XPO4: variants seen among roughly 807,000 people sequenced by gnomAD.
XPO4 encodes exportin 4.
In XPO4, 39 loss-of-function variants were observed where a neutral mutation model predicts 143.0. The observed-to-expected ratio is 0.27, with a 90% CI of 0.21 to 0.36. The LOEUF is 0.36. Among genes scored for constraint, XPO4 ranks in the 10% least tolerant of loss-of-function variants. The probability of loss-of-function intolerance (pLI) is 1.00; values close to 1 mark genes in which losing one functional copy is unlikely to be tolerated. For synonymous variants in XPO4, 439 were observed against 474.0 expected (o/e 0.93, Z 0.96); for missense variants, 907 against 1,348.0 (o/e 0.67, Z 5.12).
At chr13:20,883,682 A>G (rs2060434544) in intron 1 of XPO4, among the ~76,000 whole-genome samples, 1 of 152,260 alleles carries the variant, frequency 6.6e-6, no homozygotes, top group Non-Finnish European at 1.5e-5. Flanking sequence ...CCCTAAAAAA[A>G]TTCTAAAGAA....
intron 1 of XPO4, among the ~76,000 whole-genome samples, chr13:20,872,752 T>C (rs1175404964): frequency 6.6e-6 from 1 of 152,130 alleles, no homozygotes; most frequent in East Asian, 1.9e-4. Context: ...TAAACCCAGG[T>C]AGTATGACTC....
chr13:20,848,745 T>C, intron 4 of XPO4: 1 of 985,432 alleles, frequency 1.0e-6, no homozygotes. Flanking sequence ...CCCAGCACTA[T>C]GTTAACATAA....
intron 4 of XPO4, chr13:20,853,061 G>A: frequency 1.0e-6 from 1 of 985,124 alleles, no homozygotes; most frequent in Non-Finnish European, 1.2e-6. Flanking sequence ...GCCAGCCGTG[G>A]TGGCTCACAT....
chr13:20,782,462 A>G lies in XPO4; in HGVS notation c.*1260T>C, dbSNP rs184724200. The G allele has an allele frequency of 1.4e-4, 22 of 152,734 alleles. No individual in the cohort carries two copies. Among genetic ancestry groups the G allele is most frequent in the African/African-American group, 4.8e-4 (20 of 41,566 alleles). The allele number at this position is 152,734 out of a possible 1,614,324, so 9.5% of individuals were successfully genotyped here. ...CCTGATTAAGAGATCAAACTAGAGG[A>G]TCTAAAGTGAATTTTTAATCTCTGA... On this transcript the variant is annotated 3_prime_UTR_variant, in exon 23 of 23. Transcript: ENST00000255305.
chr13:20,880,995 T>C (rs1161936828), intron 1 of XPO4, among the ~76,000 whole-genome samples: 1 of 150,648 alleles, frequency 6.6e-6, no homozygotes, highest in African/African-American at 2.4e-5. Flanking sequence ...CTAAGATATA[T>C]TACAACAAGG....
chr13:20,839,106 A>G (rs2059947588), intron 6 of XPO4, among the ~76,000 whole-genome samples: 1 of 152,054 alleles, frequency 6.6e-6, no homozygotes, highest in South Asian at 2.1e-4. Context: ...TCTACTAAAA[A>G]ATACAAAACT....
intron 20 of XPO4, 104 bp from the exon 21 acceptor site, chr13:20,787,702 A>T (rs1177477642): frequency 2.3e-6 from 2 of 854,220 alleles, no homozygotes; most frequent in Admixed American, 4.2e-5. Context: ...CTAGAAATGA[A>T]TACAGATACA....
chr13:20,869,983 C>G (rs116168912), intron 1 of XPO4, among the ~76,000 whole-genome samples: 2,707 of 150,606 alleles, frequency 0.018, 84 homozygotes, highest in African/African-American at 0.063. Context: ...GTGCACACCT[C>G]CCAGCTACTC....
At position 20,779,509 on chromosome 13, in the gene XPO4, A is replaced by G. The variant is rs372239560; in HGVS notation, c.*4213T>C. The G allele has an allele frequency of 3.3e-5, 5 of 152,676 alleles. No individual in the cohort carries two copies. The highest frequency in any genetic ancestry group is 1.9e-4 in the East Asian group (1 of 5,182). 9.5% of individuals were successfully genotyped at this position (152,676 alleles called of 1,614,324 possible). The stretch of plus-strand genomic sequence containing the variant: ...AACCAAAAAAAAAGACACCTCTCCA[A>G]TTGCTGGGAGGGCCTGGGAATAGGT... On this transcript the variant is annotated 3_prime_UTR_variant, in exon 23 of 23. Coordinates refer to ENST00000255305, the MANE Select transcript of XPO4 (RefSeq NM_022459.5).
At chr13:20,791,507 A>G (rs2059279604) in intron 18 of XPO4, among the ~76,000 whole-genome samples, 1 of 152,266 alleles carries the variant, frequency 6.6e-6, no homozygotes, top group Non-Finnish European at 1.5e-5. Context: ...CAAAATGTGG[A>G]ATGCCACATA....
In XPO4 at chr13:20,808,470, G is replaced by A; in HGVS notation, c.1605C>T (p.Leu535=). 6.4e-7 allele frequency: 1 copy of A among 1,569,418 alleles called. No homozygotes were observed. Among genetic ancestry groups the A allele is most frequent in the Non-Finnish European group, 8.7e-7 (1 of 1,147,142 alleles). The change falls in exon 12 of 23, where the codon CTC becomes CTT. Residue 535 remains leucine, a synonymous_variant. Coordinates refer to ENST00000255305, the MANE Select transcript of XPO4 (RefSeq NM_022459.5). ...STVDNKMLDD[L]YEDIHWLILV... is the part of the protein sequence containing the mutation. ...AAATAAGCCAGTGAATATCTTCATA[G>A]AGATCATCAAGCATTTTGTTGTCAA... is the stretch of plus-strand genomic sequence containing the variant.
intron 1 of XPO4, among the ~76,000 whole-genome samples, chr13:20,885,669 T>C (rs957702242): frequency 6.6e-6 from 1 of 152,202 alleles, no homozygotes; most frequent in Non-Finnish European, 1.5e-5. Flanking sequence ...CCTCATGCAA[T>C]GGCTCATGCC....
intron 7 of XPO4, among the ~76,000 whole-genome samples, chr13:20,822,682 G>A (rs942690075): frequency 4.6e-5 from 7 of 152,188 alleles, no homozygotes. Flanking sequence ...TCAATAAAGA[G>A]TATATAGATG....
chr13:20,843,911 T>C lies in XPO4; in HGVS notation c.457-25A>G, dbSNP rs17059220. On this transcript the variant is annotated intron_variant, in intron 4 of 22. Coordinates refer to ENST00000255305, the MANE Select transcript of XPO4 (RefSeq NM_022459.5). ...GCTGTAATTATTTGATAAGAAATAA[T>C]TGTGAGGCATTACTGTTTCAACGCT... The C allele has an allele frequency of 1.8e-3, 2,745 of 1,530,026 alleles. 36 individuals carry two copies. The African/African-American group carries it at 0.034, about 19-fold the overall frequency. 94.8% of individuals were successfully genotyped at this position (1,530,026 alleles called of 1,614,324 possible).
intron 1 of XPO4, among the ~76,000 whole-genome samples, chr13:20,897,595 A>G (rs893754670): frequency 2.0e-5 from 3 of 152,158 alleles, no homozygotes; most frequent in Non-Finnish European, 2.9e-5. Context: ...TCTCCTCAGC[A>G]TACACAGCAT....
intron 1 of XPO4, among the ~76,000 whole-genome samples, chr13:20,886,405 A>G (rs894284733): frequency 2.0e-5 from 3 of 152,026 alleles, no homozygotes; most frequent in Non-Finnish European, 2.9e-5. Flanking sequence ...TGAGGTTGAG[A>G]GTTCAAGACC....
chr13:20,813,028 G>T (rs906431660), intron 9 of XPO4, among the ~76,000 whole-genome samples: 4 of 152,160 alleles, frequency 2.6e-5, no homozygotes, highest in Non-Finnish European at 5.9e-5. Flanking sequence ...CAGGAAGGAT[G>T]ACTGGGAGGC....
At position 20,807,462 on chromosome 13, in the gene XPO4, C is replaced by T. The variant is rs2059522548; in HGVS notation, c.1812G>A (p.Val604=). ...SIPGYNRTDS[V]IRLLSAILRV... The stretch of plus-strand genomic sequence containing the variant: ...AGCTATAGAGTTTATATTACCTAAT[C>T]ACAGAATCTGTTCTGTTGTACCCTG... The change falls in exon 13 of 23, where the codon GTG becomes GTA. Residue 604 remains valine (V), a synonymous_variant. Transcript: ENST00000255305. 1 of 1,610,348 alleles carries T rather than the reference C, an allele frequency of 6.2e-7. No homozygotes were observed. The highest frequency in any genetic ancestry group is 1.7e-5 in the Admixed American group (1 of 59,230).
chr13:20,799,149 TAGAC>T lies in XPO4; in HGVS notation c.2322+12_2322+15del. 1.9e-6 allele frequency: 3 copies of T among 1,551,916 alleles called. No homozygotes were observed. The highest frequency in any genetic ancestry group is 1.8e-6 in the Non-Finnish European group (2 of 1,141,908). ...GTTACACAAAAGGGTGCAATCAAAATAGACAGCACTGTTACCTCTGTCCAATACT... is the reference window on the plus strand; with the variant it reads ...GTTACACAAAAGGGTGCAATCAAAATAGCACTGTTACCTCTGTCCAATACT... On this transcript the variant is annotated intron_variant, in intron 16 of 22. Coordinates refer to ENST00000255305, the MANE Select transcript of XPO4 (RefSeq NM_022459.5).
Sources: gnomAD v4.1 joint callset for allele counts (sites outside exome capture counted in the v4.1 genomes callset) on GRCh38, gnomAD v4.1.1 for gene constraint, MANE v1.5 for transcripts, NCBI Gene and HGNC (gene_info 2026-07-23, HGNC 2026-07-21) for gene names.